USP42: variants seen among roughly 807,000 people sequenced by gnomAD.
USP42 encodes ubiquitin carboxyl-terminal hydrolase 42.
In USP42, 23 loss-of-function variants were observed where a neutral mutation model predicts 113.0. The observed-to-expected ratio is 0.20, with a 90% CI of 0.15 to 0.29. The LOEUF (loss-of-function observed/expected upper bound fraction) is 0.29, where lower values mean the gene tolerates loss of function less well. USP42 is among the 10% of genes least tolerant of loss of function. The pLI, the probability that USP42 is intolerant of heterozygous loss-of-function variation, is 1.00. For missense variants in USP42, 2,174 were observed against 1,779.8 expected (o/e 1.22, Z -3.99); for synonymous variants, 933 against 699.0 (o/e 1.33, Z -5.28).
chr7:6,140,518 C>A (rs886517892), intron 6 of USP42, among the ~76,000 whole-genome samples: 1 of 152,208 alleles, frequency 6.6e-6, no homozygotes, highest in African/African-American at 2.4e-5. Context: ...AGTCCCCTAT[C>A]GATGGGATTT....
intron 3 of USP42, among the ~76,000 whole-genome samples, chr7:6,117,682 G>C (rs1251278926): frequency 6.6e-6 from 1 of 152,188 alleles, no homozygotes; most frequent in East Asian, 1.9e-4. Context: ...TCTTCCATTT[G>C]CTCCACATCC....
At chr7:6,145,875 A>C (rs140664318) in intron 10 of USP42, among the ~76,000 whole-genome samples, 2 of 152,064 alleles carry the variant, frequency 1.3e-5, no homozygotes, top group Non-Finnish European at 1.5e-5. Context: ...TTCAAGACCA[A>C]CCTGGCCAAC....
chr7:6,126,830 G>C (rs10265503), intron 3 of USP42, among the ~76,000 whole-genome samples: 1 of 151,998 alleles, frequency 6.6e-6, no homozygotes. Context: ...TGCTATAAAC[G>C]TGAGTGTATA....
At chr7:6,085,841 C>A in the USP42 span, among the ~76,000 whole-genome samples, 21 of 150,616 alleles carry the variant, frequency 1.4e-4, no homozygotes, top group African/African-American at 2.0e-4. Flanking sequence ...TTTTGAACTC[C>A]TGACCTTGTG....
intron 3 of USP42, 107 bp downstream of exon 3, chr7:6,115,630 A>G: frequency 2.2e-6 from 3 of 1,363,046 alleles, no homozygotes; most frequent in Non-Finnish European, 3.0e-6. Flanking sequence ...ATGATTACTA[A>G]GAAGTTGGTT....
At chr7:6,101,708 G>A (rs572114712), upstream of USP42, among the ~76,000 whole-genome samples, 10 of 151,228 alleles carry the variant, frequency 6.6e-5, no homozygotes, top group South Asian at 2.1e-3. Flanking sequence ...CAAGGTAGAG[G>A]GGGAGGTGTA....
In USP42 at chr7:6,146,597, C is replaced by A. The variant is rs891521476; in HGVS notation, c.1232+349C>A. ...GAGGATTACCTGAGCCTGGGGAGGC[C>A]GAGGCTGCAGTAAGCCATGATTGAG... On this transcript the variant is annotated intron_variant, in intron 11 of 17. Coordinates refer to ENST00000306177, the MANE Select transcript of USP42 (RefSeq NM_032172.3). 2.6e-5 allele frequency among the ~76,000 whole-genome samples: 4 copies of A among 152,012 alleles called. No homozygotes were observed. In the South Asian group the frequency reaches 6.2e-4, roughly 24 times the overall value.
intron 3 of USP42, among the ~76,000 whole-genome samples, chr7:6,116,122 C>G (rs10272554): frequency 7.1e-6 from 1 of 140,084 alleles, no homozygotes; most frequent in Non-Finnish European, 1.5e-5. Context: ...AAAAAAAAAA[C>G]GTCTGATGCC....
intron 8 of USP42, among the ~76,000 whole-genome samples, chr7:6,143,535 T>C (rs569146000): frequency 2.6e-5 from 4 of 152,276 alleles, no homozygotes; most frequent in African/African-American, 9.6e-5. Flanking sequence ...GAAAGCTCTT[T>C]TGTATGTTTT....
At chr7:6,095,871 T>C in the USP42 span, among the ~76,000 whole-genome samples, 1 of 150,834 alleles carries the variant, frequency 6.6e-6, no homozygotes, top group Non-Finnish European at 1.5e-5. Flanking sequence ...CAAGCAATCC[T>C]CCTGCCTCAG....
chr7:6,153,920 G>A lies in USP42; in HGVS notation c.2366G>A (p.Gly789Asp). The A allele has an allele frequency of 6.2e-7, 1 of 1,600,364 alleles. No individual in the cohort carries two copies. Among genetic ancestry groups the A allele is most frequent in the South Asian group, 1.1e-5 (1 of 90,240 alleles). The change falls in exon 15 of 18, where the codon GGC becomes GAC. Residue 789 changes from glycine (G) to aspartate (D), a missense_variant. Transcript: ENST00000306177. ...CCCGGCACCCCCGCTACCAAAGAAG[G>A]CGCCTGGGAGGCCATGGCCGTCGCC... ...RDPGTPATKEGAWEAMAVAPE... is the reference protein window; with the variant it reads ...RDPGTPATKEDAWEAMAVAPE...
intron 12 of USP42, among the ~76,000 whole-genome samples, chr7:6,148,740 A>G (rs933062026): frequency 6.6e-6 from 1 of 152,164 alleles, no homozygotes; most frequent in African/African-American, 2.4e-5. Flanking sequence ...GGATGATCAC[A>G]CACACGGTCT....
At chr7:6,110,932 G>T (rs183697137) in intron 1 of USP42, among the ~76,000 whole-genome samples, 193 bp from the exon 2 acceptor site, 1 of 152,168 alleles carries the variant, frequency 6.6e-6, no homozygotes, top group Non-Finnish European at 1.5e-5. Flanking sequence ...TTGACATTCA[G>T]ATTATCATGA....
chr7:6,101,948 T>A (rs1020745696), upstream of USP42, among the ~76,000 whole-genome samples: 4 of 147,792 alleles, frequency 2.7e-5, 1 homozygote, highest in African/African-American at 1.0e-4. Flanking sequence ...ATTAGCCGGG[T>A]ACAGTGGTGT....
At position 6,156,838 on chromosome 7, in the gene USP42, A is replaced by G; in HGVS notation, c.3726A>G (p.Arg1242=). The G allele has an allele frequency of 6.2e-7, 1 of 1,609,672 alleles. No individual in the cohort carries two copies. The highest frequency in any genetic ancestry group is 8.5e-7 in the Non-Finnish European group (1 of 1,178,892). The change falls in exon 16 of 18, where the codon AGA becomes AGG. Residue 1242 remains arginine, a synonymous_variant. Transcript: ENST00000306177. ...RHKKKKKKKK[R]HSRKSEDFVK... is the part of the protein sequence containing the mutation. ...AAAAAAAGAAGAAGAAAAAGAAGAG[A>G]CATTCAAGAAAATCAGAGGACTTTG...
intron 2 of USP42, among the ~76,000 whole-genome samples, chr7:6,113,140 C>T (rs929755331): frequency 1.3e-5 from 2 of 151,888 alleles, no homozygotes; most frequent in African/African-American, 2.4e-5. Context: ...TATAATCCAC[C>T]CGCCTCGGCC....
In USP42 at chr7:6,154,295, G is replaced by A. The variant is rs779088668; in HGVS notation, c.2741G>A (p.Gly914Glu). 3.3e-5 allele frequency: 52 copies of A among 1,587,642 alleles called. No individual in the cohort carries two copies. Among genetic ancestry groups the A allele is most frequent in the Non-Finnish European group, 4.3e-5 (50 of 1,167,962 alleles). Residue 914 changes from glycine to glutamate, a missense_variant, in exon 15 of 18, where the codon GGG (glycine) becomes GAG (glutamate). By Grantham distance (98) the Gly-to-Glu change is moderately conservative. Transcript: ENST00000306177. ...LDMAPAGHPE[G>E]DAEPSPGERV... ...ATGGCCCCGGCCGGTCACCCGGAAG[G>A]GGACGCTGAGCCTAGCCCCGGCGAG...
intron 2 of USP42, among the ~76,000 whole-genome samples, chr7:6,115,021 G>C (rs1036572461): frequency 6.6e-6 from 1 of 151,878 alleles, no homozygotes; most frequent in African/African-American, 2.4e-5. Flanking sequence ...CAGTTGTTCA[G>C]AGCAGCATCC....
intron 3 of USP42, among the ~76,000 whole-genome samples, chr7:6,117,160 A>G (rs1338438615): frequency 6.6e-6 from 1 of 152,050 alleles, no homozygotes; most frequent in Non-Finnish European, 1.5e-5. Flanking sequence ...ATCACCCTCA[A>G]AAGTTCCCCG....
Sources: allele counts gnomAD v4.1 joint callset (sites outside exome capture counted in the v4.1 genomes callset), GRCh38; gene constraint gnomAD v4.1.1; transcripts MANE v1.5; gene names NCBI Gene and HGNC (gene_info 2026-07-23, HGNC 2026-07-21).